The following SLC9A8 variants were observed in gnomAD, a reference collection of about 807,000 sequenced individuals.
The protein encoded by SLC9A8 is solute carrier family 9 member A8, also known as sodium/hydrogen exchanger 8.
Under a neutral mutation model 66.6 loss-of-function variants are expected in SLC9A8, and 48 were observed. The ratio of observed to expected loss-of-function variants is 0.72; its 90% CI spans 0.57 to 0.92. The LOEUF (loss-of-function observed/expected upper bound fraction) is 0.92, where lower values mean the gene tolerates loss of function less well. Among genes scored for constraint, SLC9A8 ranks in the 40% least tolerant of loss-of-function variants. The pLI is 0.00. For synonymous variants in SLC9A8, 274 were observed against 282.6 expected, an observed-to-expected ratio of 0.97 and a Z score of 0.31; for missense variants, 599 against 747.3, an observed-to-expected ratio of 0.80 and a Z score of 2.31.
In SLC9A8 at chr20:49,890,160, T is replaced by C. The variant is rs73271169; in HGVS notation, c.*2224T>C. ...TCTCCTCTGAGCCTCTTCTGCCCCC[T>C]GTCGGCCAGGTGAGGTCAGCAGCCT... On this transcript the variant is annotated 3_prime_UTR_variant, in exon 16 of 16. Transcript: ENST00000361573. 36,221 of 152,064 alleles carry C rather than the reference T, an allele frequency of 0.24. 4,586 individuals carry two copies. The highest frequency in any genetic ancestry group is 0.31 in the Middle Eastern group (90 of 294). 9.4% of individuals were successfully genotyped at this position (152,064 alleles called of 1,614,324 possible).
intron 4 of SLC9A8, among the ~76,000 whole-genome samples, chr20:49,841,166 C>T (rs537278573): frequency 2.0e-5 from 3 of 151,998 alleles, no homozygotes; most frequent in South Asian, 4.2e-4. Context: ...AGTAGCTGGA[C>T]GTGGTGGCAC....
At chr20:49,838,375 ATCCATGC>A (rs758746803) in intron 3 of SLC9A8, among the ~76,000 whole-genome samples, 86 of 152,360 alleles carry the variant, frequency 5.6e-4, no homozygotes, top group African/African-American at 1.9e-3. Context: ...ATGGGTTCAA[ATCCATGC>A]TCCATGCCCT....
intron 7 of SLC9A8, 29 bp downstream of exon 7, chr20:49,850,873 C>G (rs775239713): frequency 1.3e-6 from 2 of 1,537,006 alleles, no homozygotes; most frequent in East Asian, 2.3e-5. Context: ...AACACCCATG[C>G]GACTGCTTTT....
intron 3 of SLC9A8, chr20:49,829,819 C>A: frequency 1.8e-6 from 1 of 559,186 alleles, no homozygotes; most frequent in Non-Finnish European, 3.6e-6. Flanking sequence ...GAAGTGCAAA[C>A]AGCCTGTCTG....
chr20:49,869,722 A>T (rs1242652513), intron 10 of SLC9A8, among the ~76,000 whole-genome samples: 1 of 151,870 alleles, frequency 6.6e-6, no homozygotes, highest in African/African-American at 2.4e-5. Flanking sequence ...AGTCCCAGCT[A>T]CTCGGCAGGC....
chr20:49,827,237 C>T (rs1009634194), intron 3 of SLC9A8, among the ~76,000 whole-genome samples: 6 of 151,268 alleles, frequency 4.0e-5, no homozygotes, highest in Non-Finnish European at 5.9e-5. Context: ...CCACTGTGCC[C>T]GGCCCATATT....
rs767045779 is a variant in SLC9A8, at chr20:49,884,039, C to A, written c.1464C>A (p.Asp488Glu). ...AGGCACACCGCAGGAACAAGAAGGA[C>A]GTCAACCTCAGCAAGACTGAGAAGA... ...DAKAHRRNKK[D>E]VNLSKTEKMG... Residue 488 changes from aspartate (D) to glutamate (E), a missense_variant, in exon 14 of 16, where the codon GAC (aspartate) becomes GAA (glutamate). By Grantham distance (45) the Asp-to-Glu change is conservative. Around this residue, in one of 2 missense-constraint regions of SLC9A8, gnomAD observed 467 missense variants for 626.5 expected, o/e 0.75. Transcript: ENST00000361573. The A allele has an allele frequency of 6.2e-7, 1 of 1,613,680 alleles. No individual in the cohort carries two copies. Among genetic ancestry groups the A allele is most frequent in the South Asian group, 1.1e-5 (1 of 91,074 alleles).
At chr20:49,887,233 C>T (rs769599201) in intron 15 of SLC9A8, among the ~76,000 whole-genome samples, 39 of 152,162 alleles carry the variant, frequency 2.6e-4, no homozygotes, top group Non-Finnish European at 4.9e-4. Context: ...CCCAAGTCTG[C>T]CCCCAGCTCA....
At chr20:49,821,530 T>C (rs553256892) in intron 2 of SLC9A8, among the ~76,000 whole-genome samples, 10 of 152,290 alleles carry the variant, frequency 6.6e-5, no homozygotes, top group Non-Finnish European at 1.2e-4. Context: ...CCTGGTGTTT[T>C]TTGGTGGGAT....
chr20:49,869,513 C>T (rs1208687693), intron 10 of SLC9A8, among the ~76,000 whole-genome samples: 5 of 151,196 alleles, frequency 3.3e-5, no homozygotes, highest in African/African-American at 7.3e-5. Flanking sequence ...TGAGCCACCG[C>T]GCCCGGCCAA....
intron 5 of SLC9A8, among the ~76,000 whole-genome samples, chr20:49,847,315 A>C (rs1279953997): frequency 6.6e-6 from 1 of 152,082 alleles, no homozygotes; most frequent in African/African-American, 2.4e-5. Context: ...CATGCTGAGG[A>C]AATTGACTTG....
Position 49,888,437 on chromosome 20 carries a change from C to T in SLC9A8, c.*501C>T, listed in dbSNP as rs2089969311. 1 of 160,492 alleles carries T rather than the reference C, an allele frequency of 6.2e-6. No homozygotes were observed. Among genetic ancestry groups the T allele is most frequent in the Admixed American group, 5.8e-5 (1 of 17,200 alleles). The allele number at this position is 160,492 out of a possible 1,614,324, so 9.9% of individuals were successfully genotyped here. A position where few individuals can be genotyped will look rare whatever the true frequency, so the allele number is the denominator to read the frequency against. ...GACCTAAGTGGCAGGGCCCAGAAAT[C>T]CTGAAAACCTCCCGCTGCCTTTTGT... On this transcript the variant is annotated 3_prime_UTR_variant, in exon 16 of 16. Coordinates refer to ENST00000361573, the MANE Select transcript of SLC9A8 (RefSeq NM_015266.3).
Position 49,888,145 on chromosome 20 carries a change from C to T in SLC9A8, c.*209C>T, listed in dbSNP as rs185204675. On this transcript the variant is annotated 3_prime_UTR_variant, in exon 16 of 16. Transcript: ENST00000361573. ...GACTTCTTGGGAAACTGTCATCTCC[C>T]GACTCCTCCCTGAGCCAGCCTCCGC... 346 of 498,960 alleles carry T rather than the reference C, an allele frequency of 6.9e-4. 2 individuals carry two copies. The highest frequency in any genetic ancestry group is 2.7e-3 in the Middle Eastern group (5 of 1,822). 30.9% of individuals were successfully genotyped at this position (498,960 alleles called of 1,614,324 possible).
At chr20:49,878,705 G>T (rs2146740391) in intron 12 of SLC9A8, among the ~76,000 whole-genome samples, 1 of 152,298 alleles carries the variant, frequency 6.6e-6, no homozygotes, top group Admixed American at 6.5e-5. Flanking sequence ...GAGAGAAGCA[G>T]CAAAAGTCCT....
At chr20:49,829,092 T>C (rs1369277033) in intron 3 of SLC9A8, 1 of 151,228 alleles carries the variant, frequency 6.6e-6, no homozygotes, top group African/African-American at 2.4e-5. Flanking sequence ...ATGTTTTCGG[T>C]GGCCCATGCG....
In SLC9A8 at chr20:49,891,632, G is replaced by C. The variant is rs985422971; in HGVS notation, c.*3696G>C. The C allele has an allele frequency of 6.6e-6, 1 of 152,340 alleles. No homozygotes were observed. Among genetic ancestry groups the C allele is most frequent in the African/African-American group, 2.4e-5 (1 of 41,464 alleles). The allele number at this position is 152,340 out of a possible 1,614,324, so 9.4% of individuals were successfully genotyped here. A position where few individuals can be genotyped will look rare whatever the true frequency, so the allele number is the denominator to read the frequency against. On this transcript the variant is annotated 3_prime_UTR_variant, in exon 16 of 16. Coordinates refer to ENST00000361573, the MANE Select transcript of SLC9A8 (RefSeq NM_015266.3). ...TGGTCTCCCCGGCTGCTCTGCGGGG[G>C]CTTCACTGGCTTCGGAGTGAGCGCG...
chr20:49,883,772 G>T lies in SLC9A8; in HGVS notation c.1271-74G>T, dbSNP rs906791293. ...GCTGGTCGTGGTGCTGGGCCGGCTG[G>T]ATTTCCAGGGAAGCCAGCCCATGAA... On this transcript the variant is annotated intron_variant, in intron 13 of 15. Coordinates refer to ENST00000361573, the MANE Select transcript of SLC9A8 (RefSeq NM_015266.3). 112 of 1,279,258 alleles carry T rather than the reference G, an allele frequency of 8.8e-5. No homozygotes were observed. The African/African-American group carries it at 1.6e-3, about 18-fold the overall frequency. 79.2% of individuals were successfully genotyped at this position (1,279,258 alleles called of 1,614,324 possible).
At chr20:49,835,085 A>C (rs2087474848) in intron 3 of SLC9A8, among the ~76,000 whole-genome samples, 1 of 152,176 alleles carries the variant, frequency 6.6e-6, no homozygotes, top group Admixed American at 6.5e-5. Flanking sequence ...AGTCGGTACA[A>C]CCACTTTGGA....
rs373949183 is a variant in SLC9A8, at chr20:49,815,113, C to T, written c.132C>T (p.Pro44=). ...VLPTPGKPIL[P]VQTGEQAQQE... ...CGACCCCTGGCAAGCCCATCCTCCC[C>T]GTGCAGACAGGGGAGCAGGCCCAGC... The change falls in exon 2 of 16, where the codon CCC becomes CCT. Residue 44 remains proline, a synonymous_variant. Transcript: ENST00000361573. 53 of 1,609,088 alleles carry T rather than the reference C, an allele frequency of 3.3e-5. No homozygotes were observed. The Admixed American group carries it at 4.4e-4, about 13-fold the overall frequency.
Sources: gnomAD v4.1 joint callset for allele counts (sites outside exome capture counted in the v4.1 genomes callset) on GRCh38, gnomAD v4.1.1 for gene constraint, gnomAD v4.1.1 regional missense constraint, MANE v1.5 for transcripts, NCBI Gene and HGNC (gene_info 2026-07-23, HGNC 2026-07-21) for gene names.